Variants in RSBN1 observed in about 807,000 individuals in gnomAD.
The protein encoded by RSBN1 is lysine-specific demethylase 9.
Under a neutral mutation model 74.8 loss-of-function variants are expected in RSBN1, and 23 were observed. That is an observed-to-expected ratio of 0.31 (90% CI 0.22 to 0.44). The LOEUF is 0.44. Ranked by LOEUF, RSBN1 falls within the 20% of genes least tolerant of loss-of-function variation. The pLI, the probability that RSBN1 is intolerant of heterozygous loss-of-function variation, is 1.00. For missense variants in RSBN1, 808 were observed against 1,020.9 expected (o/e 0.79, Z 2.84); for synonymous variants, 407 against 379.6 (o/e 1.07, Z -0.84).
intron 1 of RSBN1, among the ~76,000 whole-genome samples, chr1:113,809,348 GT>G (rs1246672711): frequency 2.0e-5 from 3 of 152,176 alleles, no homozygotes; most frequent in African/African-American, 7.2e-5. Context: ...AAAGCAATTT[GT>G]TCAGGCTCAC....
chr1:113,809,735 C>T (rs909681525), intron 1 of RSBN1, among the ~76,000 whole-genome samples: 1 of 152,144 alleles, frequency 6.6e-6, no homozygotes, highest in Non-Finnish European at 1.5e-5. Context: ...TGTTGGCAAA[C>T]TACAGATATT....
intron 5 of RSBN1, 137 bp from the exon 6 acceptor site, chr1:113,767,344 AT>A (rs1013229483): frequency 2.6e-4 from 110 of 429,162 alleles, no homozygotes; most frequent in Middle Eastern, 9.2e-4. Context: ...TAGGTATACA[AT>A]TTTTTTTTAA....
At chr1:113,806,756 T>C (rs1432848850) in intron 1 of RSBN1, among the ~76,000 whole-genome samples, 2 of 150,458 alleles carry the variant, frequency 1.3e-5, no homozygotes, top group African/African-American at 4.9e-5. Context: ...ATCCCAACAC[T>C]TTGGTAGGCC....
chr1:113,778,097 C>G (rs1022211099), intron 2 of RSBN1, among the ~76,000 whole-genome samples: 2 of 151,884 alleles, frequency 1.3e-5, no homozygotes, highest in Non-Finnish European at 2.9e-5. Context: ...ATTTTTTTAA[C>G]TTTGTAATAT....
At chr1:113,801,606 G>T (rs1020942019) in intron 1 of RSBN1, among the ~76,000 whole-genome samples, 1 of 152,212 alleles carries the variant, frequency 6.6e-6, no homozygotes, top group African/African-American at 2.4e-5. Flanking sequence ...TTCCAACAGA[G>T]AATCTATTCA....
At chr1:113,784,375 C>T (rs1422276487) in intron 2 of RSBN1, among the ~76,000 whole-genome samples, 1 of 152,160 alleles carries the variant, frequency 6.6e-6, no homozygotes, top group Admixed American at 6.5e-5. Context: ...ATGACATAGC[C>T]TATTGCTCCT....
Position 113,804,292 on chromosome 1 carries a change from CG to C in RSBN1, c.704-6257del, listed in dbSNP as rs536084317. ...AAGATCTCTGAAAGAGGAAAGAAAA[CG>C]TATTTGCCAAATGTCTAATAGGGAC... is the stretch of plus-strand genomic sequence containing the variant. On this transcript the variant is annotated intron_variant, in intron 1 of 6. Coordinates refer to ENST00000261441, the MANE Select transcript of RSBN1 (RefSeq NM_018364.5). 8.5e-5 allele frequency among the ~76,000 whole-genome samples: 13 copies of C among 152,082 alleles called. 1 individual carries two copies. The South Asian group carries it at 2.7e-3, about 31-fold the overall frequency.
rs1376063807 is a variant in RSBN1 at position 113,768,338 on chromosome 1, G to A, written c.1710C>T (p.Pro570=). 6.2e-7 allele frequency: 1 copy of A among 1,612,212 alleles called. No homozygotes were observed. The highest frequency in any genetic ancestry group is 8.5e-7 in the Non-Finnish European group (1 of 1,178,878). ...TCCTATCTTCAAAGAGAACTTCGCGGGGTTCACTGGTCCGAGGTAGGTACT... is the reference window on the plus strand; with the variant it reads ...TCCTATCTTCAAAGAGAACTTCGCGAGGTTCACTGGTCCGAGGTAGGTACT... ...NLQYLPRTSE[P]REVLFEDRTR... Residue 570 remains proline (P), a synonymous_variant, in exon 5 of 7, where the codon CCC becomes CCT. Transcript: ENST00000261441.
Position 113,812,127 on chromosome 1 carries a change from AC to A in RSBN1, c.285del (p.Ser96LeufsTer81). 2 of 1,605,296 alleles carry A rather than the reference AC, an allele frequency of 1.2e-6. No homozygotes were observed. On this transcript the variant is annotated frameshift_variant, in exon 1 of 7. Coordinates refer to ENST00000261441, the MANE Select transcript of RSBN1 (RefSeq NM_018364.5). LOFTEE classifies it high-confidence loss of function. ...VKRQRRSSSG[G>X]SQEKRGRPSQ... ...CTCGGCCGCCCCCGCTTCTCCTGAG[AC>A]CCCCCACTGCTAGATCGGCGCTGCC...
At chr1:113,801,682 A>G (rs1660586387) in intron 1 of RSBN1, among the ~76,000 whole-genome samples, 1 of 152,264 alleles carries the variant, frequency 6.6e-6, no homozygotes, top group South Asian at 2.1e-4. Flanking sequence ...CTTTACAGAA[A>G]AAGAGCCAAC....
chr1:113,773,327 C>T (rs1659917325), intron 4 of RSBN1, among the ~76,000 whole-genome samples: 1 of 151,994 alleles, frequency 6.6e-6, no homozygotes. Flanking sequence ...GTGTTTGGGA[C>T]GAGCCTGGCC....
chr1:113,796,129 A>T (rs1168362923), intron 2 of RSBN1: 1 of 150,068 alleles, frequency 6.7e-6, no homozygotes, highest in Non-Finnish European at 1.5e-5. Context: ...GGCAAAACTT[A>T]AAAAAAAAAT....
Position 113,812,473 on chromosome 1 carries a change from A to T in RSBN1, c.-61T>A. 6.7e-7 allele frequency: 1 copy of T among 1,487,098 alleles called. No individual in the cohort carries two copies. Among genetic ancestry groups the T allele is most frequent in the Non-Finnish European group, 8.9e-7 (1 of 1,121,186 alleles). 92.1% of individuals were successfully genotyped at this position (1,487,098 alleles called of 1,614,324 possible). On this transcript the variant is annotated 5_prime_UTR_variant, in exon 1 of 7. Coordinates refer to ENST00000261441, the MANE Select transcript of RSBN1 (RefSeq NM_018364.5). ...CCTCTCCAACCGAGCTTCTATTGTA[A>T]AGCACCCTATGCCGCGCAAAGCGTC...
At position 113,768,390 on chromosome 1, in the gene RSBN1, C is replaced by G; in HGVS notation, c.1659-1G>C. On this transcript the variant is annotated splice_acceptor_variant, in intron 4 of 6. Transcript: ENST00000261441. LOFTEE classifies it high-confidence loss of function. ...GAGATTTTTTATTTCATTCATTGAT[C>G]TAGAGTTGATTTGGTTGTTAAACAA... 6.3e-7 allele frequency: 1 copy of G among 1,585,178 alleles called. No individual in the cohort carries two copies. Among genetic ancestry groups the G allele is most frequent in the Non-Finnish European group, 8.6e-7 (1 of 1,165,248 alleles).
intron 2 of RSBN1, among the ~76,000 whole-genome samples, chr1:113,789,266 G>C (rs1660318928): frequency 6.6e-6 from 1 of 152,050 alleles, no homozygotes; most frequent in South Asian, 2.1e-4. Context: ...AAACTGAAGA[G>C]GTTCTGAGAG....
At chr1:113,776,399 G>T (rs1026187535) in intron 4 of RSBN1, among the ~76,000 whole-genome samples, 4 of 152,186 alleles carry the variant, frequency 2.6e-5, no homozygotes, top group Non-Finnish European at 5.9e-5. Context: ...TTTGGTTTTG[G>T]TTTGGGTTTG....
intron 4 of RSBN1, among the ~76,000 whole-genome samples, chr1:113,768,995 T>C (rs1181258073): frequency 6.6e-6 from 1 of 152,152 alleles, no homozygotes; most frequent in Non-Finnish European, 1.5e-5. Flanking sequence ...TTGTTTAAGA[T>C]AGAATCTCTG....
In RSBN1 at chr1:113,797,420, C is replaced by T. The variant is rs1421935999; in HGVS notation, c.1320G>A (p.Met440Ile). Residue 440 changes from methionine (M) to isoleucine (I), a missense_variant, in exon 2 of 7, where the codon ATG (methionine) becomes ATA (isoleucine). Physicochemically the swap from Met to Ile is conservative, Grantham distance 10. Around this residue, in one of 6 missense-constraint regions of RSBN1, gnomAD observed 112 missense variants for 257.3 expected, o/e 0.44. Transcript: ENST00000261441. ...CAATATCTTTCTTGCCCAGAATTTC[C>T]ATTTTCACTGGAGTGTTGGGGAAAT... ...AFNFPNTPVK[M>I]EILGKKDIET... The T allele has an allele frequency of 6.2e-7, 1 of 1,613,102 alleles. No homozygotes were observed. The highest frequency in any genetic ancestry group is 8.5e-7 in the Non-Finnish European group (1 of 1,179,780).
intron 4 of RSBN1, 137 bp downstream of exon 4, chr1:113,777,073 G>C: frequency 1.5e-6 from 1 of 681,714 alleles, no homozygotes; most frequent in Non-Finnish European, 2.4e-6. Context: ...GTGATGATTG[G>C]ACTGAAAAGA....
Sources: allele counts gnomAD v4.1 joint callset (sites outside exome capture counted in the v4.1 genomes callset), GRCh38; gene constraint gnomAD v4.1.1; regional missense constraint gnomAD v4.1.1; transcripts MANE v1.5; gene names NCBI Gene and HGNC (gene_info 2026-07-23, HGNC 2026-07-21).